DCBLD2: variants seen among roughly 807,000 people sequenced by gnomAD.
The protein encoded by DCBLD2 is discoidin, CUB and LCCL domain containing 2.
Under a neutral mutation model 86.8 loss-of-function variants are expected in DCBLD2, and 54 were observed. The observed-to-expected ratio is 0.62, with a 90% CI of 0.50 to 0.78. The LOEUF is 0.78. Ranked by LOEUF, DCBLD2 falls within the 30% of genes least tolerant of loss-of-function variation. The pLI is 0.00. For synonymous variants in DCBLD2, 354 were observed against 341.3 expected, an observed-to-expected ratio of 1.04 and a Z score of -0.41; for missense variants, 908 against 954.2, an observed-to-expected ratio of 0.95 and a Z score of 0.64.
intron 2 of DCBLD2, among the ~76,000 whole-genome samples, chr3:98,877,061 G>A (rs1576198618): frequency 6.6e-6 from 1 of 152,250 alleles, no homozygotes; most frequent in East Asian, 1.9e-4. Context: ...GGGTTAAAAG[G>A]AAAGAAGAAA....
intron 3 of DCBLD2, among the ~76,000 whole-genome samples, chr3:98,828,343 A>C (rs1240666702): frequency 6.6e-6 from 1 of 152,204 alleles, no homozygotes; most frequent in Non-Finnish European, 1.5e-5. Context: ...CAGAATAAAG[A>C]ATATTATTAT....
chr3:98,817,145 A>T (rs1942036881), intron 9 of DCBLD2, among the ~76,000 whole-genome samples: 1 of 152,168 alleles, frequency 6.6e-6, no homozygotes, highest in African/African-American at 2.4e-5. Context: ...AAAGGGATAC[A>T]CATCTGAATA....
rs1941606512 is a variant in DCBLD2 at position 98,796,716 on chromosome 3, TTAGATTTAC to T, written c.*2647_*2655del. The T allele has an allele frequency of 6.6e-6, 1 of 152,668 alleles. No homozygotes were observed. Among genetic ancestry groups the T allele is most frequent in the African/African-American group, 2.4e-5 (1 of 41,454 alleles). The allele number at this position is 152,668 out of a possible 1,614,324, so 9.5% of individuals were successfully genotyped here. On this transcript the variant is annotated 3_prime_UTR_variant, in exon 16 of 16. Transcript: ENST00000326840. ...ACCCATCACATCCAACAGGATCTAT[TTAGATTTAC>T]AGCATTTAATAAAGTATAAGTCAGA...
At chr3:98,815,711 AAAACTCCC>A (rs1942008114) in intron 9 of DCBLD2, 1 of 152,198 alleles carries the variant, frequency 6.6e-6, no homozygotes, top group South Asian at 2.1e-4. Flanking sequence ...GAGACATCTT[AAAACTCCC>A]AAACTGAACA....
chr3:98,852,299 T>A (rs1464577589), intron 2 of DCBLD2, among the ~76,000 whole-genome samples: 1 of 151,222 alleles, frequency 6.6e-6, no homozygotes, highest in Non-Finnish European at 1.5e-5. Flanking sequence ...CAGGCTGGAG[T>A]ACAGTGGCGT....
intron 1 of DCBLD2, among the ~76,000 whole-genome samples, chr3:98,899,083 A>T (rs1200869292): frequency 7.2e-4 from 8 of 11,064 alleles, no homozygotes; most frequent in Non-Finnish European, 2.3e-3. Flanking sequence ...TAGAAGAACT[A>T]AAAAAAAAAA....
intron 1 of DCBLD2, among the ~76,000 whole-genome samples, chr3:98,896,166 T>C (rs1406598393): frequency 6.6e-6 from 1 of 152,250 alleles, no homozygotes; most frequent in Non-Finnish European, 1.5e-5. Context: ...AATGATGTTT[T>C]AGTAGCCCTT....
intron 2 of DCBLD2, among the ~76,000 whole-genome samples, chr3:98,856,527 G>T (rs1394205021): frequency 6.6e-6 from 1 of 151,970 alleles, no homozygotes; most frequent in African/African-American, 2.4e-5. Context: ...AACAAAAAAT[G>T]GGAATCCCTA....
intron 1 of DCBLD2, among the ~76,000 whole-genome samples, chr3:98,888,108 C>T (rs888844752): frequency 4.6e-5 from 7 of 151,932 alleles, no homozygotes; most frequent in African/African-American, 1.7e-4. Flanking sequence ...TGGCTGCTTT[C>T]ATTTAGTAGA....
In DCBLD2 at chr3:98,888,925, C is replaced by T. The variant is rs151154391; in HGVS notation, c.206-7158G>A. Among the ~76,000 whole-genome samples the T allele has an allele frequency of 2.5e-3, 375 of 152,074 alleles. 6 individuals carry two copies. The highest frequency in any genetic ancestry group is 8.8e-3 in the African/African-American group (366 of 41,510). On this transcript the variant is annotated intron_variant, in intron 1 of 15. Transcript: ENST00000326840. ...TCTGAAATCTTAAAAACTTTAACAT[C>T]TCGCTCTTCTGGTTACAGTCTCCTG... is the stretch of plus-strand genomic sequence containing the variant.
chr3:98,810,437 T>C (rs1300927022), intron 12 of DCBLD2, among the ~76,000 whole-genome samples: 1 of 152,258 alleles, frequency 6.6e-6, no homozygotes, highest in Admixed American at 6.5e-5. Flanking sequence ...ACTGAAGTTC[T>C]ATGTGGCACA....
At chr3:98,811,423 A>C in intron 11 of DCBLD2, 45 bp downstream of exon 11, 1 of 1,613,008 alleles carries the variant, frequency 6.2e-7, no homozygotes, top group Non-Finnish European at 8.5e-7. Context: ...AAGTTGCACC[A>C]TAAATCCAAG....
At chr3:98,849,940 T>C (rs563846869) in intron 2 of DCBLD2, among the ~76,000 whole-genome samples, 56 of 152,282 alleles carry the variant, frequency 3.7e-4, no homozygotes, top group Admixed American at 1.1e-3. Flanking sequence ...CACAAATGAA[T>C]TGATGATTAA....
chr3:98,839,189 T>C (rs1942571496), intron 3 of DCBLD2, among the ~76,000 whole-genome samples: 1 of 148,834 alleles, frequency 6.7e-6, no homozygotes, highest in Non-Finnish European at 1.5e-5. Context: ...TCTTCCTTCC[T>C]TCCTTCCTTC....
intron 1 of DCBLD2, among the ~76,000 whole-genome samples, chr3:98,896,676 T>A (rs1270809667): frequency 1.3e-5 from 2 of 152,140 alleles, no homozygotes; most frequent in Non-Finnish European, 2.9e-5. Context: ...TAGTTTTGAG[T>A]AATAATCATT....
chr3:98,885,480 C>T (rs769435020), intron 1 of DCBLD2, among the ~76,000 whole-genome samples: 5 of 151,872 alleles, frequency 3.3e-5, no homozygotes, highest in Non-Finnish European at 5.9e-5. Context: ...CTCGCATGCA[C>T]GCTCATGACC....
intron 13 of DCBLD2, among the ~76,000 whole-genome samples, chr3:98,806,288 A>T (rs947196274): frequency 6.6e-6 from 1 of 152,210 alleles, no homozygotes. Context: ...TAAAATTGAA[A>T]ATAGAAAATA....
chr3:98,814,467 G>C (rs923530880), intron 9 of DCBLD2: 5 of 152,212 alleles, frequency 3.3e-5, no homozygotes, highest in Non-Finnish European at 7.3e-5. Context: ...CTCATGTACA[G>C]AGAAGTATGT....
intron 3 of DCBLD2, among the ~76,000 whole-genome samples, chr3:98,836,016 T>C (rs1421905999): frequency 1.4e-5 from 2 of 146,292 alleles, no homozygotes; most frequent in African/African-American, 5.1e-5. Flanking sequence ...AACTTATGTA[T>C]AGATTTCACC....
Sources: allele counts gnomAD v4.1 joint callset (sites outside exome capture counted in the v4.1 genomes callset), GRCh38; gene constraint gnomAD v4.1.1; transcripts MANE v1.5; gene names NCBI Gene and HGNC (gene_info 2026-07-23, HGNC 2026-07-21).